The following STARD13 variants were observed in gnomAD, a reference collection of about 807,000 sequenced individuals.
STARD13 encodes StAR related lipid transfer domain containing 13, also known as stAR-related lipid transfer protein 13.
A neutral mutation model predicts 106.4 loss-of-function variants in STARD13; 62 were observed. The ratio of observed to expected loss-of-function variants is 0.58; its 90% CI spans 0.48 to 0.72. STARD13 has a LOEUF of 0.72. STARD13 is among the 30% of genes least tolerant of loss of function. The pLI, the probability that STARD13 is intolerant of heterozygous loss-of-function variation, is 0.00. For missense variants in STARD13, 1,387 were observed against 1,424.0 expected, an observed-to-expected ratio of 0.97 and a Z score of 0.42; for synonymous variants, 565 against 553.0, an observed-to-expected ratio of 1.02 and a Z score of -0.31.
At chr13:33,203,801 A>C (rs1195995230) in intron 1 of STARD13, among the ~76,000 whole-genome samples, 2 of 152,208 alleles carry the variant, frequency 1.3e-5, no homozygotes, top group African/African-American at 4.8e-5. Context: ...TTAAAGGCTA[A>C]AGTTTTTAGC....
intron 1 of STARD13, among the ~76,000 whole-genome samples, chr13:33,242,209 G>A (rs1160911404): frequency 6.6e-6 from 1 of 152,124 alleles, no homozygotes; most frequent in African/African-American, 2.4e-5. Context: ...TCCGGGAGGT[G>A]GGGGGCAGCC....
At chr13:33,386,333 T>C in the STARD13 span, among the ~76,000 whole-genome samples, 1 of 152,214 alleles carries the variant, frequency 6.6e-6, no homozygotes, top group Non-Finnish European at 1.5e-5. Flanking sequence ...CCTACCCTGC[T>C]CTTGTTAAAT....
intron 3 of STARD13, among the ~76,000 whole-genome samples, chr13:33,157,699 A>C (rs183817539): frequency 1.3e-5 from 2 of 152,324 alleles, no homozygotes; most frequent in African/African-American, 2.4e-5. Flanking sequence ...AGAAATTCAG[A>C]GATCATCTTG....
the STARD13 span, among the ~76,000 whole-genome samples, chr13:33,449,528 A>T: frequency 6.6e-6 from 1 of 152,264 alleles, no homozygotes; most frequent in South Asian, 2.1e-4. Context: ...TTTTGAAGTC[A>T]GGTAGTCTAA....
intron 11 of STARD13, 70 bp downstream of exon 11, chr13:33,110,616 T>C: frequency 7.3e-7 from 1 of 1,362,308 alleles, no homozygotes; most frequent in Non-Finnish European, 1.0e-6. Context: ...CTGTTTTCAA[T>C]GCAAAAACAA....
chr13:33,581,479 C>T, the STARD13 span, among the ~76,000 whole-genome samples: 2 of 152,214 alleles, frequency 1.3e-5, no homozygotes, highest in South Asian at 2.1e-4. Flanking sequence ...TGTGCAGCAA[C>T]ATTCATTTGA....
intron 8 of STARD13, among the ~76,000 whole-genome samples, chr13:33,115,650 T>C (rs1875261762): frequency 6.6e-6 from 1 of 152,166 alleles, no homozygotes; most frequent in Non-Finnish European, 1.5e-5. Flanking sequence ...AAACCAAAAC[T>C]GGTAACCCAG....
At chr13:33,419,315 C>T in the STARD13 span, among the ~76,000 whole-genome samples, 2 of 152,008 alleles carry the variant, frequency 1.3e-5, no homozygotes, top group Middle Eastern at 3.2e-3. Context: ...AACTTCATGA[C>T]ACATGCACAA....
intron 1 of STARD13, among the ~76,000 whole-genome samples, chr13:33,223,095 T>G (rs1459439825): frequency 6.6e-6 from 1 of 152,238 alleles, no homozygotes; most frequent in South Asian, 2.1e-4. Flanking sequence ...TAAGATCTGA[T>G]AGTCAGCTGA....
chr13:33,317,089 T>C (rs1165834441), intron 1 of STARD13, among the ~76,000 whole-genome samples: 1 of 152,132 alleles, frequency 6.6e-6, no homozygotes, highest in Non-Finnish European at 1.5e-5. Context: ...TCAGGGCTCA[T>C]TCCCTGTCCT....
chr13:33,360,962 A>AT, the STARD13 span, among the ~76,000 whole-genome samples: 2,535 of 115,924 alleles, frequency 0.022, 89 homozygotes, highest in African/African-American at 0.072. Context: ...CGCCCGGCTA[A>AT]TTTTTTTTTT....
the STARD13 span, among the ~76,000 whole-genome samples, chr13:33,483,206 G>A: frequency 6.6e-6 from 1 of 152,182 alleles, no homozygotes; most frequent in South Asian, 2.1e-4. Flanking sequence ...TTTAACTAGG[G>A]ATAAAAATCT....
At chr13:33,543,084 C>T in the STARD13 span, among the ~76,000 whole-genome samples, 1 of 152,214 alleles carries the variant, frequency 6.6e-6, no homozygotes, top group African/African-American at 2.4e-5. Context: ...CCAGAAGAAA[C>T]GGCGTCCTTT....
the STARD13 span, among the ~76,000 whole-genome samples, chr13:33,625,026 A>T: frequency 6.6e-6 from 1 of 152,194 alleles, no homozygotes; most frequent in Non-Finnish European, 1.5e-5. Flanking sequence ...AGTCCCTCCC[A>T]CATGCCATCC....
intron 12 of STARD13, 141 bp from the exon 13 acceptor site, chr13:33,107,075 T>C (rs1873840469): frequency 1.4e-6 from 1 of 735,332 alleles, no homozygotes; most frequent in Non-Finnish European, 2.2e-6. Flanking sequence ...ATTAAGCTAA[T>C]GGCTTTCATA....
the STARD13 span, among the ~76,000 whole-genome samples, chr13:33,429,812 A>G: frequency 6.6e-6 from 1 of 152,144 alleles, no homozygotes; most frequent in Non-Finnish European, 1.5e-5. Context: ...GGATTAATGG[A>G]TACAAAAAAA....
the STARD13 span, among the ~76,000 whole-genome samples, chr13:33,465,571 T>C: frequency 1.3e-5 from 2 of 152,140 alleles, no homozygotes; most frequent in Non-Finnish European, 2.9e-5. Flanking sequence ...TCCTCCCCAT[T>C]GCCTAAAAGT....
intron 1 of STARD13, among the ~76,000 whole-genome samples, chr13:33,266,316 A>T (rs543772508): frequency 6.6e-6 from 1 of 152,368 alleles, no homozygotes; most frequent in African/African-American, 2.4e-5. Context: ...GGGCCTGCAT[A>T]AAATACATGC....
At chr13:33,211,469 A>G (rs1887712385) in intron 1 of STARD13, among the ~76,000 whole-genome samples, 2 of 152,172 alleles carry the variant, frequency 1.3e-5, no homozygotes, top group Non-Finnish European at 2.9e-5. Flanking sequence ...GGGTTTTGAT[A>G]TCTGTGATAT....
Sources: gnomAD v4.1 joint callset for allele counts (sites outside exome capture counted in the v4.1 genomes callset) on GRCh38, gnomAD v4.1.1 for gene constraint, MANE v1.5 for transcripts, NCBI Gene and HGNC (gene_info 2026-07-23, HGNC 2026-07-21) for gene names.